KCNMA1: variants seen among roughly 807,000 people sequenced by gnomAD.
KCNMA1 encodes the protein potassium calcium-activated channel subfamily M alpha 1, also known as Calcium-activated potassium channel subunit alpha-1.
Under a neutral mutation model 140.0 loss-of-function variants are expected in KCNMA1, and 29 were observed. The ratio of observed to expected loss-of-function variants is 0.21; its 90% CI spans 0.15 to 0.28. The LOEUF (loss-of-function observed/expected upper bound fraction) is 0.28, where lower values mean the gene tolerates loss of function less well. Ranked by LOEUF, KCNMA1 falls within the 10% of genes least tolerant of loss-of-function variation. The pLI, the probability that KCNMA1 is intolerant of heterozygous loss-of-function variation, is 1.00. For missense variants in KCNMA1, 880 were observed against 1,602.2 expected, an observed-to-expected ratio of 0.55 and a Z score of 7.70; for synonymous variants, 612 against 611.9, an observed-to-expected ratio of 1.00 and a Z score of 0.00.
chr10:77,536,878 A>G (rs1265742434), intron 1 of KCNMA1, among the ~76,000 whole-genome samples: 1 of 152,210 alleles, frequency 6.6e-6, no homozygotes, highest in Non-Finnish European at 1.5e-5. Context: ...GGGAGAACAC[A>G]TGATTCACCA....
chr10:77,084,900 A>G (rs1298704859), intron 11 of KCNMA1, among the ~76,000 whole-genome samples, 181 bp from the exon 12 acceptor site: 3 of 151,894 alleles, frequency 2.0e-5, no homozygotes, highest in Non-Finnish European at 4.4e-5. Context: ...TTGTTATGGT[A>G]TAAACATTTC....
chr10:76,952,010 T>C, intron 21 of KCNMA1: 3 of 1,549,304 alleles, frequency 1.9e-6, no homozygotes, highest in Middle Eastern at 1.7e-4. Context: ...TGATGTTATT[T>C]TTCATAGGAT....
intron 3 of KCNMA1, among the ~76,000 whole-genome samples, chr10:77,194,838 GA>G (rs35565130): frequency 0.052 from 7,771 of 150,676 alleles, 238 homozygotes; most frequent in Non-Finnish European, 0.067. Flanking sequence ...AGAACATCTG[GA>G]AAAAAAAATA....
At chr10:77,116,109 A>G (rs2097457333) in intron 6 of KCNMA1, among the ~76,000 whole-genome samples, 1 of 152,194 alleles carries the variant, frequency 6.6e-6, no homozygotes, top group African/African-American at 2.4e-5. Context: ...CAGCGGTTAG[A>G]ATGATTTGAA....
chr10:76,963,637 G>A (rs1009560219), intron 20 of KCNMA1, among the ~76,000 whole-genome samples: 4 of 152,144 alleles, frequency 2.6e-5, no homozygotes, highest in African/African-American at 7.2e-5. Context: ...TGTGGAACTC[G>A]AGGCATTGTG....
At chr10:76,965,283 T>C (rs368717412) in intron 20 of KCNMA1, among the ~76,000 whole-genome samples, 6 of 152,292 alleles carry the variant, frequency 3.9e-5, no homozygotes, top group African/African-American at 1.4e-4. Flanking sequence ...CGTGTGTCCT[T>C]GGGAAAACTA....
intron 2 of KCNMA1, among the ~76,000 whole-genome samples, chr10:77,393,778 A>G (rs1343375866): frequency 1.3e-5 from 2 of 152,238 alleles, no homozygotes; most frequent in East Asian, 1.9e-4. Context: ...CAAGATGGAG[A>G]TCAAAAAAGA....
intron 18 of KCNMA1, among the ~76,000 whole-genome samples, chr10:77,008,427 T>G (rs1297793819): frequency 6.6e-6 from 1 of 152,082 alleles, no homozygotes; most frequent in Non-Finnish European, 1.5e-5. Flanking sequence ...AATGAGTAAA[T>G]AGTAGACCCT....
chr10:77,473,457 C>T (rs1334879378), intron 1 of KCNMA1, among the ~76,000 whole-genome samples: 1 of 152,200 alleles, frequency 6.6e-6, no homozygotes, highest in Non-Finnish European at 1.5e-5. Context: ...GCCCAGTGGT[C>T]AGATGTATTC....
At chr10:77,151,135 TCTTTC>T in intron 5 of KCNMA1, among the ~76,000 whole-genome samples, 1 of 151,428 alleles carries the variant, frequency 6.6e-6, no homozygotes, top group South Asian at 2.1e-4. Context: ...TTCCTTCCTT[TCTTTC>T]TTCTTTCTTT....
chr10:77,488,265 G>T (rs2098484822), intron 1 of KCNMA1, among the ~76,000 whole-genome samples: 1 of 152,204 alleles, frequency 6.6e-6, no homozygotes, highest in Non-Finnish European at 1.5e-5. Context: ...AGGAGGAGCT[G>T]TGAGGATGAG....
At chr10:77,278,104 T>C (rs2067214573) in intron 2 of KCNMA1, among the ~76,000 whole-genome samples, 1 of 152,228 alleles carries the variant, frequency 6.6e-6, no homozygotes, top group Admixed American at 6.5e-5. Flanking sequence ...CTGTGTCACT[T>C]AGTACAAGTT....
chr10:77,271,607 T>C (rs1372512236), intron 2 of KCNMA1, among the ~76,000 whole-genome samples: 6 of 152,196 alleles, frequency 3.9e-5, no homozygotes, highest in African/African-American at 1.4e-4. Context: ...CTCAAAACAG[T>C]GCCTGGCACA....
At chr10:77,517,131 CA>C (rs1208150809) in intron 1 of KCNMA1, among the ~76,000 whole-genome samples, 1 of 152,108 alleles carries the variant, frequency 6.6e-6, no homozygotes, top group East Asian at 1.9e-4. Context: ...GATGCAAACT[CA>C]GGCTGGAGAG....
intron 1 of KCNMA1, among the ~76,000 whole-genome samples, chr10:77,598,213 C>T (rs996600867): frequency 6.6e-6 from 1 of 152,138 alleles, no homozygotes; most frequent in South Asian, 2.1e-4. Context: ...TCAAGTGATC[C>T]GCCCACCTTG....
intron 12 of KCNMA1, among the ~76,000 whole-genome samples, chr10:77,081,035 T>C (rs976532727): frequency 6.6e-6 from 1 of 152,114 alleles, no homozygotes; most frequent in African/African-American, 2.4e-5. Context: ...AATTGTCTCC[T>C]ACCTGCCCTC....
At chr10:76,920,378 G>C (rs150658322) in intron 23 of KCNMA1, among the ~76,000 whole-genome samples, 8 of 152,142 alleles carry the variant, frequency 5.3e-5, no homozygotes, top group African/African-American at 1.9e-4. Flanking sequence ...ACCATCCTAT[G>C]TATATACTAC....
intron 1 of KCNMA1, among the ~76,000 whole-genome samples, chr10:77,451,389 G>A (rs16934803): frequency 0.027 from 4,160 of 152,252 alleles, 125 homozygotes; most frequent in African/African-American, 0.074. Flanking sequence ...TATGTGCAAT[G>A]CCCTGCAGGG....
At chr10:77,310,094 G>T (rs1320729184) in intron 2 of KCNMA1, among the ~76,000 whole-genome samples, 1 of 152,196 alleles carries the variant, frequency 6.6e-6, no homozygotes. Context: ...GGCATGGGGG[G>T]ACATGAGTGG....
Sources: gnomAD v4.1 joint callset for allele counts (sites outside exome capture counted in the v4.1 genomes callset) on GRCh38, gnomAD v4.1.1 for gene constraint, MANE v1.5 for transcripts, NCBI Gene and HGNC (gene_info 2026-07-23, HGNC 2026-07-21) for gene names.